The following PLD5 variants were observed in gnomAD, a reference collection of about 807,000 sequenced individuals.
PLD5 encodes the protein phospholipase D family member 5, also known as inactive phospholipase D5.
In PLD5, 36 loss-of-function variants were observed where a neutral mutation model predicts 61.1. The observed-to-expected ratio is 0.59, with a 90% CI of 0.45 to 0.78. PLD5 has a LOEUF of 0.78. Ranked by LOEUF, PLD5 falls within the 30% of genes least tolerant of loss-of-function variation. PLD5 has a pLI of 0.00. For synonymous variants in PLD5, 243 were observed against 242.8 expected, an observed-to-expected ratio of 1.00 and a Z score of -0.01; for missense variants, 515 against 644.4, an observed-to-expected ratio of 0.80 and a Z score of 2.17.
intron 5 of PLD5, among the ~76,000 whole-genome samples, chr1:242,143,363 G>A (rs1480511504): frequency 6.6e-6 from 1 of 152,064 alleles, no homozygotes; most frequent in Non-Finnish European, 1.5e-5. Flanking sequence ...AGAGCTGTGT[G>A]TTTCTAAGGA....
chr1:242,323,101 T>A (rs1479335983), intron 2 of PLD5, among the ~76,000 whole-genome samples: 2 of 152,146 alleles, frequency 1.3e-5, no homozygotes, highest in Non-Finnish European at 2.9e-5. Context: ...ATTATTGTTA[T>A]AATTATTTAA....
chr1:242,518,087 C>A (rs1422945640), intron 1 of PLD5, among the ~76,000 whole-genome samples: 1 of 152,138 alleles, frequency 6.6e-6, no homozygotes, highest in East Asian at 1.9e-4. Flanking sequence ...CCATGATGCC[C>A]AGGCAGGTAG....
chr1:242,450,774 GAA>G (rs1364323405), intron 1 of PLD5, among the ~76,000 whole-genome samples: 1 of 152,132 alleles, frequency 6.6e-6, no homozygotes, highest in Non-Finnish European at 1.5e-5. Context: ...ACACCCTCTG[GAA>G]AAAGTCTTTT....
intron 1 of PLD5, among the ~76,000 whole-genome samples, chr1:242,491,810 T>C (rs533519986): frequency 5.9e-5 from 9 of 152,334 alleles, no homozygotes; most frequent in African/African-American, 7.2e-5. Context: ...TTGATATTAA[T>C]AGGATTTTGT....
intron 1 of PLD5, among the ~76,000 whole-genome samples, chr1:242,497,510 T>C (rs1668409701): frequency 6.6e-6 from 1 of 152,126 alleles, no homozygotes; most frequent in Admixed American, 6.6e-5. Flanking sequence ...ACAGAAAGAC[T>C]CCAGAGGCAA....
At position 242,470,345 on chromosome 1, in the gene PLD5, G is replaced by GA. The variant is rs1023904685; in HGVS notation, c.189+53742dup. Among the ~76,000 whole-genome samples, 54 of 114,140 alleles carry GA rather than the reference G, an allele frequency of 4.7e-4. 1 individual carries two copies. Among genetic ancestry groups the GA allele is most frequent in the African/African-American group, 9.1e-4 (28 of 30,882 alleles). 74.9% of individuals were successfully genotyped at this position (114,140 alleles called of 152,430 possible). ...CGACAGAGCGACACTCGGTCTCAAA[G>GA]AAAAAAAAAAAAGAAAGAAAGAAAG... is the stretch of plus-strand genomic sequence containing the variant. On this transcript the variant is annotated intron_variant, in intron 1 of 9. Coordinates refer to ENST00000536534, the MANE Select transcript of PLD5 (RefSeq NM_001372062.1).
intron 2 of PLD5, among the ~76,000 whole-genome samples, chr1:242,306,877 A>G (rs1300211364): frequency 6.6e-6 from 1 of 152,238 alleles, no homozygotes; most frequent in African/African-American, 2.4e-5. Context: ...CATGAAACAC[A>G]TATGATATCA....
intron 5 of PLD5, among the ~76,000 whole-genome samples, chr1:242,166,856 C>T (rs1192550627): frequency 6.6e-6 from 1 of 152,046 alleles, no homozygotes; most frequent in Non-Finnish European, 1.5e-5. Context: ...TTAAAATTCA[C>T]AGACTAGTGA....
intron 2 of PLD5, among the ~76,000 whole-genome samples, chr1:242,320,165 T>C (rs532119529): frequency 6.6e-6 from 1 of 151,054 alleles, no homozygotes; most frequent in African/African-American, 2.4e-5. Context: ...TATGAATAGG[T>C]TTAAAATATA....
chr1:242,500,851 T>C (rs1386871948), intron 1 of PLD5, among the ~76,000 whole-genome samples: 1 of 149,044 alleles, frequency 6.7e-6, no homozygotes, highest in Non-Finnish European at 1.5e-5. Flanking sequence ...AAGGAAGCTA[T>C]GCTTAGGAAT....
At chr1:242,353,288 T>C (rs12129577) in intron 1 of PLD5, among the ~76,000 whole-genome samples, 8,505 of 152,206 alleles carry the variant, frequency 0.056, 316 homozygotes, top group Middle Eastern at 0.092. Context: ...CTTTTTCCAT[T>C]GTATATTCTT....
At chr1:242,322,990 C>T (rs573474944) in intron 2 of PLD5, among the ~76,000 whole-genome samples, 2 of 152,150 alleles carry the variant, frequency 1.3e-5, no homozygotes, top group East Asian at 3.9e-4. Context: ...CAAGGGCAGA[C>T]AGTCTCTCTC....
intron 4 of PLD5, among the ~76,000 whole-genome samples, chr1:242,223,075 A>G (rs1022445528): frequency 6.6e-6 from 1 of 152,184 alleles, no homozygotes; most frequent in Non-Finnish European, 1.5e-5. Flanking sequence ...GAAGTCCAAG[A>G]TCAAGGCATT....
intron 1 of PLD5, chr1:242,449,209 GC>G (rs1666680728): frequency 2.1e-6 from 2 of 970,306 alleles, no homozygotes; most frequent in South Asian, 1.5e-5. Flanking sequence ...GAGTGTTCCT[GC>G]CCTTCTCATA....
chr1:242,347,279 G>A (rs1410739746), intron 2 of PLD5, among the ~76,000 whole-genome samples: 1 of 152,170 alleles, frequency 6.6e-6, no homozygotes, highest in African/African-American at 2.4e-5. Flanking sequence ...GTGGTCTTAG[G>A]CTAATGCTTT....
At chr1:242,305,905 T>A (rs1164832753) in intron 2 of PLD5, among the ~76,000 whole-genome samples, 1 of 152,052 alleles carries the variant, frequency 6.6e-6, no homozygotes, top group Non-Finnish European at 1.5e-5. Context: ...TGGAGAGGAA[T>A]GCCTTGGAGA....
intron 3 of PLD5, among the ~76,000 whole-genome samples, chr1:242,282,128 C>T (rs538683402): frequency 3.3e-5 from 5 of 152,216 alleles, no homozygotes; most frequent in South Asian, 2.1e-4. Flanking sequence ...ACAATATTCA[C>T]GATCATAACA....
chr1:242,185,846 G>A (rs1303533400), intron 5 of PLD5, among the ~76,000 whole-genome samples: 2 of 151,960 alleles, frequency 1.3e-5, no homozygotes, highest in Non-Finnish European at 2.9e-5. Context: ...GGATGAAAAA[G>A]CCTCACAGCT....
intron 1 of PLD5, among the ~76,000 whole-genome samples, chr1:242,498,433 T>A (rs1268640761): frequency 6.6e-6 from 1 of 152,246 alleles, no homozygotes; most frequent in Non-Finnish European, 1.5e-5. Flanking sequence ...TGAGATGTAG[T>A]CCTCTATTAT....
Sources: gnomAD v4.1 joint callset for allele counts (sites outside exome capture counted in the v4.1 genomes callset) on GRCh38, gnomAD v4.1.1 for gene constraint, MANE v1.5 for transcripts, NCBI Gene and HGNC (gene_info 2026-07-23, HGNC 2026-07-21) for gene names.